The following ATOSA variants were observed in gnomAD, a reference collection of about 807,000 sequenced individuals.
ATOSA encodes atos homolog A.
chr15:52,609,106 T>C, the ATOSA span: 42 of 1,613,528 alleles, frequency 2.6e-5, no homozygotes, highest in East Asian at 4.2e-4. Context: ...AGAACTTTTG[T>C]TCTGTGTCTC....
the ATOSA span, among the ~76,000 whole-genome samples, chr15:52,595,070 T>C: frequency 1.1e-3 from 163 of 152,302 alleles, no homozygotes; most frequent in Non-Finnish European, 2.0e-3. Flanking sequence ...TTGTCTAGAA[T>C]CTCTGATTCC....
At chr15:52,661,830 A>T in the ATOSA span, among the ~76,000 whole-genome samples, 1 of 144,122 alleles carries the variant, frequency 6.9e-6, no homozygotes, top group Non-Finnish European at 1.5e-5. Flanking sequence ...CTTTACTTCA[A>T]TTTCTGAATA....
chr15:52,600,325 C>CG, the ATOSA span: 1 of 738,328 alleles, frequency 1.4e-6, no homozygotes, highest in Non-Finnish European at 2.2e-6. Context: ...GTCACCCAGG[C>CG]GGGAGTACAG....
the ATOSA span, among the ~76,000 whole-genome samples, chr15:52,628,740 GTTT>G: frequency 6.6e-6 from 1 of 152,080 alleles, no homozygotes; most frequent in Non-Finnish European, 1.5e-5. Flanking sequence ...CATGTGATTA[GTTT>G]TTATGTATCT....
chr15:52,607,987 T>TC, the ATOSA span, among the ~76,000 whole-genome samples: 15 of 152,188 alleles, frequency 9.9e-5, no homozygotes, highest in Non-Finnish European at 2.2e-4. Context: ...CTCAAGTGAT[T>TC]CCCCCACCTC....
the ATOSA span, among the ~76,000 whole-genome samples, chr15:52,606,109 T>C: frequency 6.6e-6 from 1 of 152,046 alleles, no homozygotes; most frequent in Admixed American, 6.6e-5. Flanking sequence ...AAACCGTGGA[T>C]AAGGGGCGAC....
chr15:52,614,549 T>C, the ATOSA span, among the ~76,000 whole-genome samples: 1 of 151,970 alleles, frequency 6.6e-6, no homozygotes, highest in Non-Finnish European at 1.5e-5. Context: ...TTATAGCCTA[T>C]AATAATTATA....
the ATOSA span, among the ~76,000 whole-genome samples, chr15:52,671,488 C>G: frequency 6.6e-6 from 1 of 152,146 alleles, no homozygotes; most frequent in Non-Finnish European, 1.5e-5. Context: ...ATGTACAAGA[C>G]TGCCTACTAA....
chr15:52,689,328 A>G, the ATOSA span, among the ~76,000 whole-genome samples: 2 of 152,162 alleles, frequency 1.3e-5, no homozygotes, highest in African/African-American at 4.8e-5. Context: ...TTTTCCTCTC[A>G]GTAAATTATG....
the ATOSA span, among the ~76,000 whole-genome samples, chr15:52,675,932 A>G: frequency 1.7e-3 from 263 of 152,184 alleles, no homozygotes; most frequent in African/African-American, 6.2e-3. Flanking sequence ...AAGAAAAAAA[A>G]AGAGAGAAAA....
the ATOSA span, among the ~76,000 whole-genome samples, chr15:52,638,887 T>C: frequency 3.9e-5 from 6 of 152,132 alleles, no homozygotes; most frequent in Middle Eastern, 3.4e-3. Context: ...GAAAAACATA[T>C]ACTTATTTTG....
At chr15:52,658,954 C>T in the ATOSA span, among the ~76,000 whole-genome samples, 1 of 151,980 alleles carries the variant, frequency 6.6e-6, no homozygotes, top group East Asian at 1.9e-4. Flanking sequence ...CACTGTACTC[C>T]AGCCTGGGCA....
chr15:52,703,043 G>C, the ATOSA span, among the ~76,000 whole-genome samples: 1 of 152,072 alleles, frequency 6.6e-6, no homozygotes, highest in Non-Finnish European at 1.5e-5. Flanking sequence ...ACAAAATGTA[G>C]TATATCCACA....
At chr15:52,656,861 C>T in the ATOSA span, 7 of 151,964 alleles carry the variant, frequency 4.6e-5, no homozygotes, top group African/African-American at 7.2e-5. Flanking sequence ...GAGGTGCATA[C>T]GGGTTTTTCT....
the ATOSA span, among the ~76,000 whole-genome samples, chr15:52,636,038 T>C: frequency 6.1e-5 from 9 of 146,686 alleles, no homozygotes; most frequent in Non-Finnish European, 1.2e-4. Context: ...ATAATAAATA[T>C]ATATTATTAA....
the ATOSA span, chr15:52,649,431 G>A: frequency 1.3e-5 from 2 of 152,056 alleles, no homozygotes; most frequent in African/African-American, 2.4e-5. Context: ...CCCAATCTGA[G>A]TTTTTAAGTT....
At chr15:52,708,679 C>T in the ATOSA span, among the ~76,000 whole-genome samples, 3 of 147,712 alleles carry the variant, frequency 2.0e-5, no homozygotes, top group Admixed American at 6.8e-5. Context: ...AAATTGGGTA[C>T]TTTTTTTTTT....
the ATOSA span, among the ~76,000 whole-genome samples, chr15:52,606,036 A>G: frequency 6.6e-6 from 1 of 152,216 alleles, no homozygotes; most frequent in South Asian, 2.1e-4. Flanking sequence ...AAAGTATCTT[A>G]TTGTACTGTA....
the ATOSA span, among the ~76,000 whole-genome samples, chr15:52,627,658 C>G: frequency 3.4e-4 from 52 of 151,494 alleles, no homozygotes; most frequent in African/African-American, 1.3e-3. Flanking sequence ...TGAAGGTGGT[C>G]AGAACATCAG....
Sources: allele counts gnomAD v4.1 joint callset (sites outside exome capture counted in the v4.1 genomes callset), GRCh38; gene constraint gnomAD v4.1.1; transcripts MANE v1.5; gene names NCBI Gene and HGNC (gene_info 2026-07-23, HGNC 2026-07-21).